Variants in HDAC9 observed in about 807,000 individuals in gnomAD.
HDAC9 encodes histone deacetylase 9, also known as MEF-2 interacting transcription repressor (MITR) protein.
A neutral mutation model predicts 139.4 loss-of-function variants in HDAC9; 41 were observed. The ratio of observed to expected loss-of-function variants is 0.29; its 90% CI spans 0.23 to 0.38. HDAC9 has a LOEUF of 0.38. Among genes scored for constraint, HDAC9 ranks in the 10% least tolerant of loss-of-function variants. The pLI, the probability that HDAC9 is intolerant of heterozygous loss-of-function variation, is 1.00. For missense variants in HDAC9, 1,147 were observed against 1,297.0 expected (o/e 0.88, Z 1.78); for synonymous variants, 517 against 476.2 (o/e 1.09, Z -1.12).
chr7:18,947,190 G>A (rs1183557053), intron 23 of HDAC9, among the ~76,000 whole-genome samples: 1 of 151,888 alleles, frequency 6.6e-6, no homozygotes, highest in Admixed American at 6.6e-5. Flanking sequence ...TAAAATTAAT[G>A]TTTAAAAGCA....
intron 21 of HDAC9, among the ~76,000 whole-genome samples, chr7:18,856,118 T>TA (rs1797657002): frequency 6.6e-6 from 1 of 152,128 alleles, no homozygotes; most frequent in South Asian, 2.1e-4. Flanking sequence ...TCTCTTAAAA[T>TA]GCATGCTTTG....
intron 22 of HDAC9, among the ~76,000 whole-genome samples, chr7:18,895,940 G>C (rs924535994): frequency 6.6e-6 from 1 of 152,030 alleles, no homozygotes; most frequent in Non-Finnish European, 1.5e-5. Flanking sequence ...CAGTTTCTTA[G>C]GTGTGGATTT....
chr7:18,159,088 G>A (rs1787434459), intron 1 of HDAC9, among the ~76,000 whole-genome samples: 1 of 152,154 alleles, frequency 6.6e-6, no homozygotes, highest in African/African-American at 2.4e-5. Flanking sequence ...ATTCATAGCA[G>A]CAGTTGTTTT....
chr7:18,588,967 T>G (rs1252684340), intron 3 of HDAC9, among the ~76,000 whole-genome samples: 1 of 152,058 alleles, frequency 6.6e-6, no homozygotes, highest in Admixed American at 6.6e-5. Flanking sequence ...TAATAATAAT[T>G]AAAATCAGTA....
intron 25 of HDAC9, among the ~76,000 whole-genome samples, chr7:18,994,573 T>G (rs1161566287): frequency 6.6e-6 from 1 of 152,174 alleles, no homozygotes; most frequent in Non-Finnish European, 1.5e-5. Context: ...TCTTTTTTGG[T>G]AACAATAAAT....
At chr7:18,202,328 A>G (rs1791194046) in intron 2 of HDAC9, among the ~76,000 whole-genome samples, 1 of 152,176 alleles carries the variant, frequency 6.6e-6, no homozygotes. Context: ...ATTAGCTTTC[A>G]AGATACTTAC....
intron 8 of HDAC9, among the ~76,000 whole-genome samples, chr7:18,641,887 G>A (rs1785718879): frequency 6.6e-6 from 1 of 152,090 alleles, no homozygotes; most frequent in Non-Finnish European, 1.5e-5. Flanking sequence ...TGTAGACTAT[G>A]GCTCCAGGTC....
At chr7:18,487,336 A>T (rs1796045077) in intron 1 of HDAC9, among the ~76,000 whole-genome samples, 1 of 152,024 alleles carries the variant, frequency 6.6e-6, no homozygotes, top group Admixed American at 6.6e-5. Context: ...TGAATACAAG[A>T]ACATCATGTT....
At chr7:18,770,462 G>C (rs958096186) in intron 16 of HDAC9, among the ~76,000 whole-genome samples, 2 of 152,066 alleles carry the variant, frequency 1.3e-5, no homozygotes, top group African/African-American at 4.8e-5. Context: ...TCATTTTCCT[G>C]GCCATCTGAC....
chr7:18,404,986 C>T (rs1201493182), intron 1 of HDAC9, among the ~76,000 whole-genome samples: 6 of 152,298 alleles, frequency 3.9e-5, no homozygotes, highest in South Asian at 4.1e-4. Flanking sequence ...CACACACCCT[C>T]GCACTTACTT....
intron 13 of HDAC9, among the ~76,000 whole-genome samples, chr7:18,730,179 A>G (rs1009777694): frequency 1.3e-5 from 2 of 152,218 alleles, no homozygotes; most frequent in African/African-American, 2.4e-5. Context: ...CTTGATATGT[A>G]ACATTCATTT....
chr7:18,273,544 G>T (rs12154277), intron 2 of HDAC9, among the ~76,000 whole-genome samples: 58,648 of 151,980 alleles, frequency 0.39, 12,905 homozygotes, highest in Admixed American at 0.51. Flanking sequence ...GTTTGAAATT[G>T]TATCTTTACC....
intron 17 of HDAC9, among the ~76,000 whole-genome samples, chr7:18,799,467 C>A (rs1793104294): frequency 1.3e-5 from 2 of 152,092 alleles, no homozygotes; most frequent in Non-Finnish European, 2.9e-5. Context: ...ATCAGACTTA[C>A]TAGACAAAAA....
intron 17 of HDAC9, chr7:18,808,172 G>C (rs1793880976): frequency 6.6e-6 from 1 of 152,254 alleles, no homozygotes. Flanking sequence ...AGAAAAGCAC[G>C]TGAAGCAGTG....
chr7:18,277,227 A>T (rs1290398225), intron 2 of HDAC9, among the ~76,000 whole-genome samples: 1 of 152,192 alleles, frequency 6.6e-6, no homozygotes, highest in Non-Finnish European at 1.5e-5. Context: ...CTCCAGAAGA[A>T]GTAGGAGCGA....
At chr7:18,435,532 T>C (rs952644775) in intron 1 of HDAC9, among the ~76,000 whole-genome samples, 3 of 152,168 alleles carry the variant, frequency 2.0e-5, no homozygotes, top group Admixed American at 6.5e-5. Context: ...TTGCTACTAG[T>C]ATAGTGCAAA....
At chr7:18,882,102 C>T (rs7808375) in intron 22 of HDAC9, among the ~76,000 whole-genome samples, 5,181 of 152,126 alleles carry the variant, frequency 0.034, 185 homozygotes, top group African/African-American at 0.093. Context: ...TTTTTAAAAA[C>T]GAGTAAGGCT....
rs998477341 is a variant in HDAC9, at chr7:18,623,862, C to G, written c.665-5488C>G. Among the ~76,000 whole-genome samples, 41 of 152,044 alleles carry G rather than the reference C, an allele frequency of 2.7e-4. 1 individual carries two copies. Among genetic ancestry groups the G allele is most frequent in the Non-Finnish European group, 1.5e-4 (10 of 68,004 alleles). On this transcript the variant is annotated intron_variant, in intron 6 of 25. Transcript: ENST00000686413. Reference sequence around the variant, plus strand: ...GAGGCTGAGGCAGAATTGCTTGAACCCAGGAGGGGGAGGTTACAGTGAGCC... The same window carrying G: ...GAGGCTGAGGCAGAATTGCTTGAACGCAGGAGGGGGAGGTTACAGTGAGCC...
chr7:18,155,161 C>T (rs1318898142), intron 1 of HDAC9, among the ~76,000 whole-genome samples: 1 of 151,156 alleles, frequency 6.6e-6, no homozygotes, highest in Non-Finnish European at 1.5e-5. Context: ...AGTTTCTGGG[C>T]ATTGTGAGTC....
Sources: gnomAD v4.1 joint callset for allele counts (sites outside exome capture counted in the v4.1 genomes callset) on GRCh38, gnomAD v4.1.1 for gene constraint, MANE v1.5 for transcripts, NCBI Gene and HGNC (gene_info 2026-07-23, HGNC 2026-07-21) for gene names.